USP43: variants seen among roughly 807,000 people sequenced by gnomAD.
The protein encoded by USP43 is ubiquitin specific peptidase 43.
Under a neutral mutation model 90.7 loss-of-function variants are expected in USP43, and 33 were observed. That is an observed-to-expected ratio of 0.36 (90% confidence interval 0.28 to 0.49). The LOEUF (loss-of-function observed/expected upper bound fraction) is 0.49, where lower values mean the gene tolerates loss of function less well. USP43 is among the 20% of genes least tolerant of loss of function. The pLI is 0.98. For synonymous variants in USP43, 598 were observed against 615.8 expected, an observed-to-expected ratio of 0.97 and a Z score of 0.43; for missense variants, 1,274 against 1,476.4, an observed-to-expected ratio of 0.86 and a Z score of 2.25.
chr17:9,713,903 C>T (rs1283754778), intron 14 of USP43, among the ~76,000 whole-genome samples: 1 of 152,148 alleles, frequency 6.6e-6, no homozygotes, highest in Non-Finnish European at 1.5e-5. Context: ...CTGTAAGACA[C>T]CATTCCCCAG....
At chr17:9,676,526 C>A (rs529804834) in intron 4 of USP43, among the ~76,000 whole-genome samples, 1 of 152,158 alleles carries the variant, frequency 6.6e-6, no homozygotes, top group African/African-American at 2.4e-5. Flanking sequence ...TCCGCCACCA[C>A]ACTCAGCTAA....
At chr17:9,681,159 C>G (rs866911722) in intron 6 of USP43, among the ~76,000 whole-genome samples, 19 of 90,936 alleles carry the variant, frequency 2.1e-4, no homozygotes, top group African/African-American at 1.0e-3. Context: ...ATAATATATA[C>G]TATATAATAT....
At chr17:9,704,917 G>T (rs558055438) in intron 12 of USP43, among the ~76,000 whole-genome samples, 5 of 152,176 alleles carry the variant, frequency 3.3e-5, no homozygotes, top group Non-Finnish European at 5.9e-5. Context: ...TTGCTTCTTG[G>T]AAGTGTGATA....
chr17:9,665,081 G>T (rs949921076), intron 2 of USP43, among the ~76,000 whole-genome samples: 1 of 152,172 alleles, frequency 6.6e-6, no homozygotes, highest in African/African-American at 2.4e-5. Context: ...TGTGTCCCAT[G>T]TGTGGTAGGG....
At chr17:9,683,368 T>C (rs986120713) in intron 7 of USP43, among the ~76,000 whole-genome samples, 1 of 152,186 alleles carries the variant, frequency 6.6e-6, no homozygotes, top group African/African-American at 2.4e-5. Context: ...ATAACAAATA[T>C]ACAAAAACAG....
At chr17:9,675,485 T>C (rs940398596) in intron 4 of USP43, among the ~76,000 whole-genome samples, 3 of 152,178 alleles carry the variant, frequency 2.0e-5, no homozygotes, top group Non-Finnish European at 4.4e-5. Flanking sequence ...GGCCGAGTTC[T>C]ATAAAAATAA....
rs1850440009 is a variant in USP43 at position 9,701,554 on chromosome 17, G to A, written c.1865G>A (p.Arg622Lys). 6.4e-7 allele frequency: 1 copy of A among 1,565,764 alleles called. No individual in the cohort carries two copies. Among genetic ancestry groups the A allele is most frequent in the Admixed American group, 1.9e-5 (1 of 52,212 alleles). Residue 622 changes from arginine to lysine, a missense_variant, in exon 12 of 15, where the codon AGA becomes AAA. Arg to Lys is a conservative substitution (Grantham distance 26). This residue lies in a region of USP43 where 285 missense variants were observed against 349.6 expected (regional missense o/e 0.82). Coordinates refer to ENST00000285199, the MANE Select transcript of USP43 (RefSeq NM_153210.5). This position sits in a 1 kb window ranked among gnomAD's most constrained non-coding sequence, Gnocchi z 7.2. ...AACATGGCTCCCCATGTGGCCCAGAGAAGCACCAGCCCTGAGGCAGGACTG... is the reference window on the plus strand; with the variant it reads ...AACATGGCTCCCCATGTGGCCCAGAAAAGCACCAGCCCTGAGGCAGGACTG... ...GLNMAPHVAQ[R>K]STSPEAGLGP...
intron 7 of USP43, among the ~76,000 whole-genome samples, chr17:9,683,903 C>T (rs542069732): frequency 1.8e-3 from 276 of 152,058 alleles, no homozygotes; most frequent in South Asian, 0.012. Flanking sequence ...TAAAGATGGC[C>T]GAGGTGGGTG....
intron 12 of USP43, among the ~76,000 whole-genome samples, chr17:9,706,127 C>T (rs1296825288): frequency 2.0e-5 from 3 of 152,162 alleles, no homozygotes; most frequent in Non-Finnish European, 4.4e-5. Flanking sequence ...ATGTTTGAGC[C>T]ACTATGGTTC....
rs189043762 is a variant in USP43 at position 9,713,576 on chromosome 17, G to A, written c.2335+1444G>A. 3.5e-3 allele frequency among the ~76,000 whole-genome samples: 539 copies of A among 152,244 alleles called. 4 individuals are homozygous for A. Among genetic ancestry groups the A allele is most frequent in the African/African-American group, 0.012 (502 of 41,542 alleles). ...TACTGTGTGGAGAAGACATCACAGG[G>A]GGCAAGAGTGGGGACGTAGGAAGAT... On this transcript the variant is annotated intron_variant, in intron 14 of 14. Coordinates refer to ENST00000285199, the MANE Select transcript of USP43 (RefSeq NM_153210.5).
At position 9,686,402 on chromosome 17, in the gene USP43, C is replaced by T. The variant is rs1017312018; in HGVS notation, c.1242-396C>T. On this transcript the variant is annotated intron_variant, in intron 7 of 14. Coordinates refer to ENST00000285199, the MANE Select transcript of USP43 (RefSeq NM_153210.5). This position sits in a 1 kb window ranked among gnomAD's most constrained non-coding sequence, Gnocchi z 5.5. ...TGAAGAACCTCCATGCTTTTCTCCA[C>T]GGTGTCTCCATTCCCACCAACAGTG... Among the ~76,000 whole-genome samples, 11 of 152,130 alleles carry T rather than the reference C, an allele frequency of 7.2e-5. No homozygotes were observed. The highest frequency in any genetic ancestry group is 1.4e-4 in the African/African-American group (6 of 41,434).
At chr17:9,679,607 G>A (rs1360913980) in intron 5 of USP43, among the ~76,000 whole-genome samples, 1 of 144,116 alleles carries the variant, frequency 6.9e-6, no homozygotes, top group African/African-American at 2.6e-5. Context: ...CTCACTGCAA[G>A]CTCCGCCTCC....
intron 9 of USP43, 117 bp from the exon 10 acceptor site, chr17:9,700,055 T>C: frequency 1.0e-6 from 1 of 981,826 alleles, no homozygotes; most frequent in Non-Finnish European, 1.5e-6. Flanking sequence ...ACTGGCAGTT[T>C]TGGGTATTTC....
chr17:9,701,279 A>G lies in USP43; in HGVS notation c.1662+34A>G, dbSNP rs770919832. The G allele has an allele frequency of 5.6e-6, 9 of 1,598,176 alleles. No individual in the cohort carries two copies. The highest frequency in any genetic ancestry group is 1.3e-5 in the African/African-American group (1 of 74,706). On this transcript the variant is annotated intron_variant, in intron 11 of 14. Transcript: ENST00000285199. The surrounding 1 kb of genome is among the most constrained non-coding windows in gnomAD (Gnocchi z 7.2). ...CTGGGGGTCCATGCCCCGGCCGGGA[A>G]GGGGGCTGGCTGCCTTTGGTGGGTT...
intron 14 of USP43, among the ~76,000 whole-genome samples, chr17:9,724,960 A>G (rs1917183696): frequency 1.3e-5 from 2 of 152,188 alleles, no homozygotes; most frequent in South Asian, 4.1e-4. Context: ...GCATGGCACC[A>G]AGAGGTCCCC....
intron 12 of USP43, among the ~76,000 whole-genome samples, chr17:9,705,147 T>C (rs963322009): frequency 1.3e-5 from 2 of 152,002 alleles, no homozygotes; most frequent in African/African-American, 4.8e-5. Flanking sequence ...TAGTTTCTTG[T>C]GTACTATTCT....
At chr17:9,673,286 C>A (rs1181670106) in intron 3 of USP43, among the ~76,000 whole-genome samples, 1 of 152,062 alleles carries the variant, frequency 6.6e-6, no homozygotes, top group African/African-American at 2.4e-5. Context: ...GTGGGTGGAT[C>A]ACAAGGTCAG....
At chr17:9,676,649 G>T in intron 4 of USP43, 97 bp from the exon 5 acceptor site, 1 of 1,447,250 alleles carries the variant, frequency 6.9e-7, no homozygotes, top group Non-Finnish European at 9.3e-7. Context: ...TAGGATTACA[G>T]GTGTGAGCCA....
At chr17:9,653,684 C>T (rs778262344) in intron 1 of USP43, among the ~76,000 whole-genome samples, 2 of 150,550 alleles carry the variant, frequency 1.3e-5, no homozygotes, top group African/African-American at 2.4e-5. Flanking sequence ...AGCTTTGAAA[C>T]ATGGAATGAT....
Sources: allele counts gnomAD v4.1 joint callset (sites outside exome capture counted in the v4.1 genomes callset), GRCh38; gene constraint gnomAD v4.1.1; regional missense constraint gnomAD v4.1.1; non-coding constraint Gnocchi (gnomAD v3.1); transcripts MANE v1.5; gene names NCBI Gene and HGNC (gene_info 2026-07-23, HGNC 2026-07-21).